Variants in FUT8 observed in about 807,000 individuals in gnomAD.
The protein encoded by FUT8 is alpha-(1,6)-fucosyltransferase.
Under a neutral mutation model 71.3 loss-of-function variants are expected in FUT8, and 29 were observed. That is an observed-to-expected ratio of 0.41 (90% confidence interval 0.30 to 0.55). The LOEUF is 0.55. FUT8 is among the 20% of genes least tolerant of loss of function. The pLI, the probability that FUT8 is intolerant of heterozygous loss-of-function variation, is 0.34. For missense variants in FUT8, 544 were observed against 702.1 expected, an observed-to-expected ratio of 0.77 and a Z score of 2.55; for synonymous variants, 254 against 239.3, an observed-to-expected ratio of 1.06 and a Z score of -0.57.
chr14:65,448,209 C>T (rs1003351454), intron 1 of FUT8, among the ~76,000 whole-genome samples: 3 of 151,988 alleles, frequency 2.0e-5, no homozygotes, highest in Non-Finnish European at 4.4e-5. Context: ...ACCATAAAAA[C>T]GCCAGATGAT....
At chr14:65,717,824 GT>G (rs1262186699) in intron 7 of FUT8, among the ~76,000 whole-genome samples, 2 of 152,210 alleles carry the variant, frequency 1.3e-5, no homozygotes, top group Admixed American at 1.3e-4. Context: ...CTCCTTCTTT[GT>G]CCCTTTTTAT....
chr14:65,362,789 C>T, the FUT8 span, among the ~76,000 whole-genome samples: 4 of 151,334 alleles, frequency 2.6e-5, no homozygotes, highest in Non-Finnish European at 4.4e-5. Flanking sequence ...GGTGAAAACC[C>T]GTCTCTACTA....
At chr14:65,436,785 G>A (rs2065568439) in intron 1 of FUT8, among the ~76,000 whole-genome samples, 1 of 152,026 alleles carries the variant, frequency 6.6e-6, no homozygotes, top group South Asian at 2.1e-4. Context: ...TACTGGAGTT[G>A]TGCAGTGTAG....
chr14:65,608,253 CTGTT>C (rs1230115422), intron 3 of FUT8, among the ~76,000 whole-genome samples: 2 of 151,720 alleles, frequency 1.3e-5, no homozygotes, highest in African/African-American at 4.8e-5. Context: ...AATTCCTTAT[CTGTT>C]TGTGATTCTC....
rs1895913801 is a variant in FUT8, at chr14:65,730,377, G to T, written c.1260-2854G>T. ...GGTATTGCACTTCAGATTTCTGCAT[G>T]TTAAGATTGAGTCCGACCGGACGCA... On this transcript the variant is annotated intron_variant, in intron 9 of 10. Transcript: ENST00000673929. Among the ~76,000 whole-genome samples, 4 of 152,248 alleles carry T rather than the reference G, an allele frequency of 2.6e-5. 1 individual carries two copies. The South Asian group carries it at 8.3e-4, about 32-fold the overall frequency.
At chr14:65,526,038 G>A (rs187139773) in intron 2 of FUT8, among the ~76,000 whole-genome samples, 4 of 152,320 alleles carry the variant, frequency 2.6e-5, no homozygotes, top group Admixed American at 6.5e-5. Context: ...TGTATATTCT[G>A]TTGATTTGGG....
rs777523990 is a variant in FUT8, at chr14:65,603,491, A to G, written c.204-12487A>G. On this transcript the variant is annotated intron_variant, in intron 3 of 10. Transcript: ENST00000673929. The surrounding 1 kb of genome is among the most constrained non-coding windows in gnomAD (Gnocchi z 4.5). ...TTTTTGGTTCCATGTGAATTTTAGAATTGTTTTTTTCTAATTCTGTAAAGA... is the reference window on the plus strand; with the variant it reads ...TTTTTGGTTCCATGTGAATTTTAGAGTTGTTTTTTTCTAATTCTGTAAAGA... Among the ~76,000 whole-genome samples the G allele has an allele frequency of 6.6e-6, 1 of 151,218 alleles. No homozygotes were observed. The highest frequency in any genetic ancestry group is 1.5e-5 in the Non-Finnish European group (1 of 67,762).
chr14:65,447,445 A>G (rs1009155192), intron 1 of FUT8, among the ~76,000 whole-genome samples: 2 of 152,120 alleles, frequency 1.3e-5, no homozygotes, highest in Non-Finnish European at 2.9e-5. Flanking sequence ...AAATACCTTT[A>G]TTTTATAATA....
At chr14:65,409,118 A>G (rs141326449), upstream of FUT8, among the ~76,000 whole-genome samples, 3 of 152,356 alleles carry the variant, frequency 2.0e-5, no homozygotes, top group East Asian at 5.8e-4. This position sits in a 1 kb window ranked among gnomAD's most constrained non-coding sequence, Gnocchi z 5.4. Flanking sequence ...TGAGGCCCAG[A>G]TGGGTAAAAT....
chr14:65,568,440 C>CAA (rs1886310653), intron 3 of FUT8, among the ~76,000 whole-genome samples: 1 of 151,414 alleles, frequency 6.6e-6, no homozygotes, highest in African/African-American at 2.4e-5. Context: ...TCTCTAAGCA[C>CAA]AGCTTTCAGT....
At chr14:65,570,894 C>G (rs903980309) in intron 3 of FUT8, among the ~76,000 whole-genome samples, 5 of 152,078 alleles carry the variant, frequency 3.3e-5, no homozygotes, top group Non-Finnish European at 7.4e-5. Context: ...CTTGCCCAAT[C>G]CCAGCAGCCA....
intron 2 of FUT8, among the ~76,000 whole-genome samples, chr14:65,533,394 G>A (rs1884081198): frequency 6.6e-6 from 1 of 152,094 alleles, no homozygotes; most frequent in Non-Finnish European, 1.5e-5. Flanking sequence ...GTATTCCTAG[G>A]TATTTTATTC....
At chr14:65,373,306 T>C in the FUT8 span, among the ~76,000 whole-genome samples, 2 of 151,348 alleles carry the variant, frequency 1.3e-5, no homozygotes, top group African/African-American at 2.4e-5. Flanking sequence ...CCTTTTGGCC[T>C]GTCATGTCCC....
chr14:65,609,686 T>A (rs959676100), intron 3 of FUT8, among the ~76,000 whole-genome samples: 7 of 152,052 alleles, frequency 4.6e-5, no homozygotes, highest in East Asian at 1.9e-4. Context: ...AAACTTTTTT[T>A]AAATTTTTTA....
Position 65,669,172 on chromosome 14 carries a change from A to T in FUT8, c.598-71A>T, listed in dbSNP as rs1892357984. 2.6e-5 allele frequency: 10 copies of T among 385,616 alleles called. No individual in the cohort carries two copies. Among genetic ancestry groups the T allele is most frequent in the South Asian group, 1.8e-4 (3 of 16,370 alleles). The allele number at this position is 385,616 out of a possible 1,614,324, so 23.9% of individuals were successfully genotyped here. ...TGTGTACCCCTGAAGATGAAAGATTAAAAAAAAAAAAGAGCAGTTGACCTC... is the reference window on the plus strand; with the variant it reads ...TGTGTACCCCTGAAGATGAAAGATTTAAAAAAAAAAAGAGCAGTTGACCTC... On this transcript the variant is annotated intron_variant, in intron 6 of 10. Coordinates refer to ENST00000673929, the MANE Select transcript of FUT8 (RefSeq NM_001371533.1). This position sits in a 1 kb window ranked among gnomAD's most constrained non-coding sequence, Gnocchi z 4.5.
intron 1 of FUT8, among the ~76,000 whole-genome samples, chr14:65,446,793 CTCTT>C (rs970378658): frequency 2.1e-4 from 31 of 150,408 alleles, no homozygotes; most frequent in African/African-American, 7.3e-4. Context: ...CACCCTCTCT[CTCTT>C]TTTTTTTTTG....
chr14:65,414,175 T>A (rs1180831138), intron 1 of FUT8, among the ~76,000 whole-genome samples: 3 of 152,192 alleles, frequency 2.0e-5, no homozygotes, highest in Non-Finnish European at 4.4e-5. Flanking sequence ...GCGGAACAAA[T>A]TCAACACAAG....
At chr14:65,525,432 C>T (rs550270030) in intron 2 of FUT8, among the ~76,000 whole-genome samples, 17 of 152,182 alleles carry the variant, frequency 1.1e-4, no homozygotes, top group South Asian at 4.2e-4. Flanking sequence ...TTTTTTATTG[C>T]GTCCATTTGA....
At chr14:65,389,645 G>A in the FUT8 span, among the ~76,000 whole-genome samples, 1 of 151,476 alleles carries the variant, frequency 6.6e-6, no homozygotes, top group African/African-American at 2.4e-5. Flanking sequence ...GTAGAGGTGG[G>A]GTTTTTGCCT....
Sources: allele counts gnomAD v4.1 joint callset (sites outside exome capture counted in the v4.1 genomes callset), GRCh38; gene constraint gnomAD v4.1.1; non-coding constraint Gnocchi (gnomAD v3.1); transcripts MANE v1.5; gene names NCBI Gene and HGNC (gene_info 2026-07-23, HGNC 2026-07-21).